The following LRRIQ3 variants were observed in gnomAD, a reference collection of about 807,000 sequenced individuals.
LRRIQ3 encodes leucine rich repeats and IQ motif containing 3, also known as leucine-rich repeat and IQ domain-containing protein 3.
Under a neutral mutation model 59.3 loss-of-function variants are expected in LRRIQ3, and 75 were observed. The observed-to-expected ratio is 1.26, with a 90% CI of 1.05 to 1.53. The LOEUF (loss-of-function observed/expected upper bound fraction) is 1.53. LRRIQ3 is among the 40% of genes most tolerant of loss of function. LRRIQ3 has a pLI of 0.00. For missense variants in LRRIQ3, 831 were observed against 710.0 expected, an observed-to-expected ratio of 1.17 and a Z score of -1.94; for synonymous variants, 250 against 231.3, an observed-to-expected ratio of 1.08 and a Z score of -0.73.
intron 7 of LRRIQ3, among the ~76,000 whole-genome samples, chr1:74,029,985 C>A (rs1231006596): frequency 1.3e-5 from 2 of 151,816 alleles, no homozygotes; most frequent in South Asian, 4.2e-4. Flanking sequence ...TTTATTTGCT[C>A]AGAGAGCCAA....
intron 6 of LRRIQ3, among the ~76,000 whole-genome samples, chr1:74,058,313 T>TGTTC (rs1205445237): frequency 6.6e-6 from 1 of 152,092 alleles, no homozygotes; most frequent in Non-Finnish European, 1.5e-5. Context: ...AGAAATGGAA[T>TGTTC]AAACCTTTGT....
intron 4 of LRRIQ3, among the ~76,000 whole-genome samples, chr1:74,155,444 T>C (rs1243894611): frequency 6.6e-6 from 1 of 152,176 alleles, no homozygotes; most frequent in Non-Finnish European, 1.5e-5. Context: ...AAATCTTCCA[T>C]GTATGTTCCA....
At chr1:74,171,916 A>G (rs1272033447) in intron 3 of LRRIQ3, among the ~76,000 whole-genome samples, 1 of 152,126 alleles carries the variant, frequency 6.6e-6, no homozygotes, top group African/African-American at 2.4e-5. Context: ...TTGTTGGAGT[A>G]TGTTTTAAAT....
chr1:74,115,120 T>C (rs1646760927), intron 4 of LRRIQ3, among the ~76,000 whole-genome samples: 1 of 152,078 alleles, frequency 6.6e-6, no homozygotes, highest in Non-Finnish European at 1.5e-5. Context: ...CCTACAGATA[T>C]TAAAACCTAA....
chr1:74,069,288 C>T (rs561035030), intron 6 of LRRIQ3, among the ~76,000 whole-genome samples: 1 of 152,074 alleles, frequency 6.6e-6, no homozygotes, highest in Non-Finnish European at 1.5e-5. Flanking sequence ...GGTTAAAAAT[C>T]ACTAACAGAA....
chr1:74,145,893 C>G lies in LRRIQ3; in HGVS notation c.707+9840G>C, dbSNP rs141612137. 3.9e-4 allele frequency among the ~76,000 whole-genome samples: 60 copies of G among 152,122 alleles called. No homozygotes were observed. The East Asian group carries it at 5.2e-3, about 13-fold the overall frequency. ...ACAAGTGTACATTTAAAATTTCCAG[C>G]AAAGTATACAGTTATATGCCATATA... On this transcript the variant is annotated intron_variant, in intron 4 of 7. Transcript: ENST00000354431.
intron 6 of LRRIQ3, among the ~76,000 whole-genome samples, chr1:74,056,261 T>A (rs748106718): frequency 6.6e-6 from 1 of 152,148 alleles, no homozygotes; most frequent in South Asian, 2.1e-4. Flanking sequence ...CCATAGCTCA[T>A]ATCATACACA....
At chr1:74,112,503 G>T (rs1050174906) in intron 4 of LRRIQ3, among the ~76,000 whole-genome samples, 1 of 152,060 alleles carries the variant, frequency 6.6e-6, no homozygotes, top group African/African-American at 2.4e-5. Context: ...ACCCTGGAAG[G>T]GGCCCCAACA....
At chr1:74,145,773 T>G (rs980626612) in intron 4 of LRRIQ3, among the ~76,000 whole-genome samples, 1 of 152,088 alleles carries the variant, frequency 6.6e-6, no homozygotes, top group African/African-American at 2.4e-5. Flanking sequence ...TTTTATCTAG[T>G]TTTAAAAATA....
chr1:74,050,530 C>T, intron 6 of LRRIQ3: 4 of 985,404 alleles, frequency 4.1e-6, no homozygotes, highest in Non-Finnish European at 4.8e-6. Context: ...GTCAACAGAG[C>T]TTGTTTGATT....
At chr1:74,053,096 T>C (rs1292195444) in intron 6 of LRRIQ3, among the ~76,000 whole-genome samples, 1 of 129,890 alleles carries the variant, frequency 7.7e-6, no homozygotes, top group Admixed American at 9.1e-5. Context: ...AACTTATCTT[T>C]AACAAAAGAG....
At chr1:74,188,555 A>G (rs1650557239) in intron 1 of LRRIQ3, among the ~76,000 whole-genome samples, 1 of 152,042 alleles carries the variant, frequency 6.6e-6, no homozygotes, top group African/African-American at 2.4e-5. Flanking sequence ...CATTATTTAG[A>G]CTCTGATTCT....
At chr1:74,106,975 C>T (rs922131629) in intron 5 of LRRIQ3, among the ~76,000 whole-genome samples, 8 of 151,906 alleles carry the variant, frequency 5.3e-5, no homozygotes, top group Non-Finnish European at 8.8e-5. Flanking sequence ...TCTATTCTGA[C>T]CCAGCTGCTT....
intron 7 of LRRIQ3, among the ~76,000 whole-genome samples, chr1:74,027,889 T>C (rs1653568471): frequency 6.6e-6 from 1 of 151,998 alleles, no homozygotes; most frequent in Non-Finnish European, 1.5e-5. Context: ...GAAAACATTA[T>C]GTAACAAGTC....
rs138378922 is a variant in LRRIQ3, at chr1:74,109,180, A to T, written c.867+214T>A. The T allele has an allele frequency of 7.8e-3, 2,729 of 351,306 alleles. 84 individuals are homozygous for T. The highest frequency in any genetic ancestry group is 0.055 in the African/African-American group (2,567 of 46,776). The allele number at this position is 351,306 out of a possible 1,614,324, so 21.8% of individuals were successfully genotyped here. A position where few individuals can be genotyped will look rare whatever the true frequency, so the allele number is the denominator to read the frequency against. ...ATATATATAAAGCATAAATTATTAA[A>T]TGGTTGTGGTATACTATACTATAGA... On this transcript the variant is annotated intron_variant, in intron 5 of 7. Coordinates refer to ENST00000354431, the MANE Select transcript of LRRIQ3 (RefSeq NM_001105659.2).
chr1:74,118,601 G>T (rs1341978423), intron 4 of LRRIQ3, among the ~76,000 whole-genome samples: 1 of 151,892 alleles, frequency 6.6e-6, no homozygotes, highest in Non-Finnish European at 1.5e-5. Context: ...TATTTTTGTA[G>T]TATAAGTTTC....
chr1:74,073,606 T>C (rs1646160561), intron 6 of LRRIQ3, among the ~76,000 whole-genome samples: 1 of 49,578 alleles, frequency 2.0e-5, no homozygotes, highest in African/African-American at 4.3e-5. Context: ...AACAGTCCAT[T>C]CTTTAAAAAA....
intron 7 of LRRIQ3, among the ~76,000 whole-genome samples, chr1:74,040,746 A>C (rs750037381): frequency 6.6e-6 from 1 of 152,256 alleles, no homozygotes; most frequent in Non-Finnish European, 1.5e-5. Flanking sequence ...ACCAGTGAGA[A>C]CAAAGACACA....
At chr1:74,106,168 T>G (rs1646609561) in intron 5 of LRRIQ3, among the ~76,000 whole-genome samples, 1 of 152,008 alleles carries the variant, frequency 6.6e-6, no homozygotes, top group African/African-American at 2.4e-5. Flanking sequence ...AGAAAAAGAT[T>G]AGATCATTAT....
Sources: allele counts gnomAD v4.1 joint callset (sites outside exome capture counted in the v4.1 genomes callset), GRCh38; gene constraint gnomAD v4.1.1; transcripts MANE v1.5; gene names NCBI Gene and HGNC (gene_info 2026-07-23, HGNC 2026-07-21).